The following IMPG1 variants were observed in gnomAD, a reference collection of about 807,000 sequenced individuals.
The protein encoded by IMPG1 is interphotoreceptor matrix proteoglycan 1.
In IMPG1, 85 loss-of-function variants were observed where a neutral mutation model predicts 92.0. The observed-to-expected ratio is 0.92, with a 90% CI of 0.78 to 1.11. The LOEUF (loss-of-function observed/expected upper bound fraction) is 1.11. IMPG1 is among the 50% of genes least tolerant of loss of function. IMPG1 has a pLI of 0.00. For missense variants in IMPG1, 1,022 were observed against 956.0 expected (o/e 1.07, Z -0.91); for synonymous variants, 367 against 334.1 (o/e 1.10, Z -1.08).
At chr6:76,063,122 G>T (rs138186766) in intron 1 of IMPG1, among the ~76,000 whole-genome samples, 3,894 of 151,708 alleles carry the variant, frequency 0.026, 138 homozygotes, top group African/African-American at 0.086. Flanking sequence ...GCGAATCGCT[G>T]GAACACAGGA....
rs116031723 is a variant in IMPG1 at position 75,960,365 on chromosome 6, A to C, written c.1292-9271T>G. Reference sequence around the variant, plus strand: ...ATGTTTTTTGTGACATCTTAATATTAATCCCTCACATTCACAATAAACCTA... The same window carrying C: ...ATGTTTTTTGTGACATCTTAATATTCATCCCTCACATTCACAATAAACCTA... On this transcript the variant is annotated intron_variant, in intron 12 of 16. Transcript: ENST00000369950. Among the ~76,000 whole-genome samples, 587 of 152,322 alleles carry C rather than the reference A, an allele frequency of 3.9e-3. 5 individuals carry two copies. The highest frequency in any genetic ancestry group is 0.014 in the African/African-American group (562 of 41,570).
chr6:76,032,788 G>A (rs1340340514), intron 4 of IMPG1, among the ~76,000 whole-genome samples: 1 of 152,098 alleles, frequency 6.6e-6, no homozygotes, highest in East Asian at 1.9e-4. Flanking sequence ...AGAGGGAAAG[G>A]CTAGGGTCAG....
At chr6:75,967,833 A>T (rs1782333398) in intron 12 of IMPG1, among the ~76,000 whole-genome samples, 1 of 152,204 alleles carries the variant, frequency 6.6e-6, no homozygotes, top group Non-Finnish European at 1.5e-5. Context: ...GTGGTTCAAG[A>T]ATTTGATATT....
intron 12 of IMPG1, among the ~76,000 whole-genome samples, chr6:75,971,703 C>T (rs1782420687): frequency 6.6e-6 from 1 of 152,170 alleles, no homozygotes; most frequent in African/African-American, 2.4e-5. Flanking sequence ...ATCTAGTGCA[C>T]CTTCCAGGCT....
chr6:76,030,231 G>T (rs776381677), intron 4 of IMPG1, among the ~76,000 whole-genome samples: 1 of 152,104 alleles, frequency 6.6e-6, no homozygotes, highest in Non-Finnish European at 1.5e-5. Flanking sequence ...TGCTTGATGG[G>T]TGTAAGCTGC....
At chr6:75,928,613 TGACTA>T (rs1223935218) in intron 15 of IMPG1, 1 of 152,190 alleles carries the variant, frequency 6.6e-6, no homozygotes, top group African/African-American at 2.4e-5. Flanking sequence ...CTACTGTACT[TGACTA>T]GCCTAAAAAA....
At chr6:76,022,960 T>G (rs1305048304) in intron 5 of IMPG1, among the ~76,000 whole-genome samples, 1 of 152,246 alleles carries the variant, frequency 6.6e-6, no homozygotes, top group Non-Finnish European at 1.5e-5. Flanking sequence ...TTTATTCTTG[T>G]GTTTTAGAAA....
chr6:76,066,016 A>G (rs1250283308), intron 1 of IMPG1, among the ~76,000 whole-genome samples: 1 of 152,152 alleles, frequency 6.6e-6, no homozygotes, highest in East Asian at 1.9e-4. Flanking sequence ...TTTCCCAGAC[A>G]AGCAAATGCT....
Position 75,985,548 on chromosome 6 carries a change from GA to G in IMPG1, c.1291+17369del, listed in dbSNP as rs369898894. On this transcript the variant is annotated intron_variant, in intron 12 of 16. Transcript: ENST00000369950. Reference sequence around the variant, plus strand: ...AGTATTTATATTTCAATCAATACATGAAAAAAATTAATAAATTTCTCATCTA... The same window carrying G: ...AGTATTTATATTTCAATCAATACATGAAAAAATTAATAAATTTCTCATCTA... 9.7e-3 allele frequency among the ~76,000 whole-genome samples: 1,471 copies of G among 152,298 alleles called. 15 individuals carry two copies. The highest frequency in any genetic ancestry group is 0.034 in the African/African-American group (1,398 of 41,548).
chr6:75,931,209 C>T (rs1781664163), intron 14 of IMPG1, 58 bp from the exon 15 acceptor site: 1 of 1,513,152 alleles, frequency 6.6e-7, no homozygotes, highest in East Asian at 2.4e-5. Context: ...ATGGAACTGG[C>T]AGCAGTCAAA....
intron 12 of IMPG1, among the ~76,000 whole-genome samples, chr6:75,965,647 G>A (rs1582071454): frequency 8.5e-6 from 1 of 118,278 alleles, no homozygotes; most frequent in South Asian, 2.7e-4. Flanking sequence ...TCGCTCTGTC[G>A]CTCAGGCTGG....
chr6:75,938,250 G>T (rs1231243784), intron 14 of IMPG1, among the ~76,000 whole-genome samples: 1 of 152,156 alleles, frequency 6.6e-6, no homozygotes, highest in Non-Finnish European at 1.5e-5. Flanking sequence ...ATGCATCCAG[G>T]AGTTCACATG....
At chr6:75,979,288 C>G (rs1349881724) in intron 12 of IMPG1, among the ~76,000 whole-genome samples, 5 of 152,130 alleles carry the variant, frequency 3.3e-5, no homozygotes, top group African/African-American at 1.2e-4. Flanking sequence ...GCAATATACT[C>G]ATAGTCTCAA....
At chr6:76,019,867 A>G (rs2211311) in intron 6 of IMPG1, among the ~76,000 whole-genome samples, 150,371 of 152,196 alleles carry the variant, frequency 0.99, 74,303 homozygotes, top group East Asian at 1. Flanking sequence ...ACCAGAGAGA[A>G]GAACTTATAT....
At chr6:75,929,719 A>AT (rs967204305) in intron 15 of IMPG1, among the ~76,000 whole-genome samples, 3 of 150,066 alleles carry the variant, frequency 2.0e-5, no homozygotes, top group Admixed American at 1.3e-4. Context: ...ATTAAAAAAA[A>AT]GAAAAACGGG....
At chr6:76,045,665 A>C (rs1370094045) in intron 1 of IMPG1, among the ~76,000 whole-genome samples, 4 of 152,108 alleles carry the variant, frequency 2.6e-5, no homozygotes, top group Non-Finnish European at 1.5e-5. Flanking sequence ...CACAGTGACA[A>C]AGTCTGTTTG....
intron 12 of IMPG1, among the ~76,000 whole-genome samples, chr6:75,981,422 G>A (rs989305773): frequency 2.6e-5 from 4 of 152,170 alleles, no homozygotes; most frequent in African/African-American, 7.2e-5. Context: ...TTTACATCAA[G>A]GAGTGTCATT....
At position 76,002,999 on chromosome 6, in the gene IMPG1, G is replaced by A; in HGVS notation, c.1213-3C>T. ...AGTTCTGGACTCAAAGTAGCATCCT[G>A]AAGAATGAATTTTGCAAGACAGATG... On this transcript the variant is annotated splice_region_variant and splice_polypyrimidine_tract_variant and intron_variant, in intron 11 of 16. Transcript: ENST00000369950. 1 of 1,610,410 alleles carries A rather than the reference G, an allele frequency of 6.2e-7. No homozygotes were observed.
At chr6:76,064,408 A>G (rs1582139580) in intron 1 of IMPG1, among the ~76,000 whole-genome samples, 2 of 140,382 alleles carry the variant, frequency 1.4e-5, no homozygotes, top group East Asian at 2.1e-4. Context: ...GCTAAATTGG[A>G]GCTTGGAGAT....
Sources: gnomAD v4.1 joint callset for allele counts (sites outside exome capture counted in the v4.1 genomes callset) on GRCh38, gnomAD v4.1.1 for gene constraint, MANE v1.5 for transcripts, NCBI Gene and HGNC (gene_info 2026-07-23, HGNC 2026-07-21) for gene names.